The following MACROD2 variants were observed in gnomAD, a reference collection of about 807,000 sequenced individuals.
MACROD2 encodes the protein mono-ADP ribosylhydrolase 2, also known as ADP-ribose glycohydrolase MACROD2.
Under a neutral mutation model 70.4 loss-of-function variants are expected in MACROD2, and 36 were observed. That is an observed-to-expected ratio of 0.51 (90% confidence interval 0.39 to 0.68). The LOEUF (loss-of-function observed/expected upper bound fraction) is 0.68. Ranked by LOEUF, MACROD2 falls within the 30% of genes least tolerant of loss-of-function variation. The pLI is 0.00. For missense variants in MACROD2, 496 were observed against 538.4 expected (o/e 0.92, Z 0.78); for synonymous variants, 172 against 178.8 (o/e 0.96, Z 0.30).
chr20:14,398,092 T>TTG (rs141573643), intron 3 of MACROD2, among the ~76,000 whole-genome samples: 4 of 151,988 alleles, frequency 2.6e-5, no homozygotes, highest in Admixed American at 6.6e-5. Context: ...TTTATTATAC[T>TTG]TGTGTGTGTG....
intron 4 of MACROD2, among the ~76,000 whole-genome samples, chr20:14,612,844 G>GA (rs967045659): frequency 6.6e-6 from 1 of 151,846 alleles, no homozygotes; most frequent in East Asian, 1.9e-4. Flanking sequence ...ACAAAGGGAG[G>GA]AAAAAAATCA....
At chr20:15,223,454 T>C (rs779870195) in intron 5 of MACROD2, among the ~76,000 whole-genome samples, 32 of 152,182 alleles carry the variant, frequency 2.1e-4, no homozygotes, top group Non-Finnish European at 4.4e-4. Flanking sequence ...TGCCACATTA[T>C]AAAACAAAAG....
intron 13 of MACROD2, 49 bp downstream of exon 13, chr20:15,967,679 C>CAAA: frequency 1.8e-4 from 49 of 277,834 alleles, no homozygotes; most frequent in South Asian, 6.7e-4. Flanking sequence ...TGCTGGGAAA[C>CAAA]AGAAAAAAAA....
intron 4 of MACROD2, among the ~76,000 whole-genome samples, 155 bp from the exon 5 acceptor site, chr20:14,684,688 G>A (rs1022861845): frequency 1.5e-5 from 2 of 137,126 alleles, no homozygotes; most frequent in Non-Finnish European, 3.1e-5. Flanking sequence ...ACACAAACAA[G>A]CTAGTGTTTG....
intron 8 of MACROD2, among the ~76,000 whole-genome samples, chr20:15,701,164 T>C (rs1354323707): frequency 2.0e-5 from 3 of 152,242 alleles, no homozygotes; most frequent in Admixed American, 1.3e-4. Context: ...CATTTATTTA[T>C]GTATTGTCCA....
chr20:14,698,747 TTTAA>T (rs917527869), intron 5 of MACROD2, among the ~76,000 whole-genome samples: 2 of 150,610 alleles, frequency 1.3e-5, no homozygotes, highest in Non-Finnish European at 3.0e-5. Flanking sequence ...ACTTTATTAA[TTTAA>T]TTAAATAATT....
intron 5 of MACROD2, among the ~76,000 whole-genome samples, chr20:14,743,228 T>C (rs2071757215): frequency 6.6e-6 from 1 of 152,128 alleles, no homozygotes; most frequent in Non-Finnish European, 1.5e-5. Context: ...GTAAGAATGC[T>C]GGTCCTTCCA....
chr20:14,128,004 G>T, intron 3 of MACROD2: 1 of 540,206 alleles, frequency 1.9e-6, no homozygotes, highest in Middle Eastern at 3.1e-4. Context: ...GGAGAATCAT[G>T]TTCCTTTTGA....
intron 3 of MACROD2, among the ~76,000 whole-genome samples, chr20:14,395,485 TC>T (rs1185600134): frequency 6.6e-6 from 1 of 152,152 alleles, no homozygotes; most frequent in Non-Finnish European, 1.5e-5. Context: ...TTATTTTTTT[TC>T]ATGATCAGTT....
chr20:14,862,208 TATATATATATATAA>T (rs2073345026), intron 5 of MACROD2, among the ~76,000 whole-genome samples: 1 of 10,242 alleles, frequency 9.8e-5, no homozygotes. Flanking sequence ...AATATATAAA[TATATATATATATAA>T]ATATATATAA....
At position 15,537,077 on chromosome 20, in the gene MACROD2, C is replaced by T. The variant is rs144163779; in HGVS notation, c.645+37230C>T. ...CTTGAATTTTAGCTCCCATAATTCT[C>T]ACATATTGTAGGAGGGACCCAGTCG... On this transcript the variant is annotated intron_variant, in intron 8 of 17. Transcript: ENST00000684519. Among the ~76,000 whole-genome samples the T allele has an allele frequency of 2.6e-5, 4 of 152,282 alleles. No individual in the cohort carries two copies. In the East Asian group the frequency reaches 7.7e-4, roughly 29 times the overall value.
chr20:14,856,524 A>T (rs538752781), intron 5 of MACROD2, among the ~76,000 whole-genome samples: 1 of 152,350 alleles, frequency 6.6e-6, no homozygotes, highest in Admixed American at 6.5e-5. Context: ...TTACAACCAT[A>T]AAATGAAAGT....
At chr20:15,777,528 TCC>T (rs2051745940) in intron 8 of MACROD2, among the ~76,000 whole-genome samples, 1 of 13,474 alleles carries the variant, frequency 7.4e-5, no homozygotes, top group Non-Finnish European at 2.0e-4. Flanking sequence ...CTTCCTTCCT[TCC>T]TTCCTTCCTT....
rs542846378 is a variant in MACROD2 at position 14,420,633 on chromosome 20, T to A, written c.272-72846T>A. Among the ~76,000 whole-genome samples, 220 of 152,318 alleles carry A rather than the reference T, an allele frequency of 1.4e-3. 3 individuals are homozygous for A. Among genetic ancestry groups the A allele is most frequent in the Middle Eastern group, 3.4e-3 (1 of 294 alleles). On this transcript the variant is annotated intron_variant, in intron 3 of 17. Coordinates refer to ENST00000684519, the MANE Select transcript of MACROD2 (RefSeq NM_001351661.2). ...ATGTGTTTCAGATATTAATCCTGTG[T>A]AAGATAGATGATTTGCAAATATTTT...
At chr20:15,021,362 G>A (rs559828702) in intron 5 of MACROD2, among the ~76,000 whole-genome samples, 1 of 64,494 alleles carries the variant, frequency 1.6e-5, no homozygotes, top group Non-Finnish European at 2.9e-5. Context: ...GTATACACAT[G>A]TGTGTATGCA....
chr20:14,815,458 A>G (rs1178386909), intron 5 of MACROD2, among the ~76,000 whole-genome samples: 1 of 152,110 alleles, frequency 6.6e-6, no homozygotes, highest in Non-Finnish European at 1.5e-5. Context: ...TTATCATAAC[A>G]TACAACTACA....
chr20:15,917,444 GA>G (rs2065336184), intron 10 of MACROD2, among the ~76,000 whole-genome samples: 1 of 152,172 alleles, frequency 6.6e-6, no homozygotes, highest in South Asian at 2.1e-4. Flanking sequence ...CAAGCAGAGT[GA>G]AAAATGTGAG....
At chr20:14,676,806 A>C (rs2070867237) in intron 4 of MACROD2, among the ~76,000 whole-genome samples, 1 of 152,090 alleles carries the variant, frequency 6.6e-6, no homozygotes, top group East Asian at 1.9e-4. Flanking sequence ...TTAACAAAAT[A>C]GATAGACCAC....
In MACROD2 at chr20:14,686,533, A is replaced by C. The variant is rs185112667; in HGVS notation, c.418+1574A>C. ...GGATTAGGGATTCAACCTGTACTAT[A>C]TTTTTACTGTACGTTTTCTATGTTT... On this transcript the variant is annotated intron_variant, in intron 5 of 17. Transcript: ENST00000684519. 3.9e-4 allele frequency among the ~76,000 whole-genome samples: 59 copies of C among 152,166 alleles called. No individual in the cohort carries two copies. The East Asian group carries it at 0.011, about 28-fold the overall frequency.
Sources: gnomAD v4.1 joint callset for allele counts (sites outside exome capture counted in the v4.1 genomes callset) on GRCh38, gnomAD v4.1.1 for gene constraint, MANE v1.5 for transcripts, NCBI Gene and HGNC (gene_info 2026-07-23, HGNC 2026-07-21) for gene names.